The following DNAH9 variants were observed in gnomAD, a reference collection of about 807,000 sequenced individuals.
DNAH9 encodes the protein dynein axonemal heavy chain 9, also known as DNAH9 variant protein.
In DNAH9, 345 loss-of-function variants were observed where a neutral mutation model predicts 471.6. The observed-to-expected ratio is 0.73, with a 90% confidence interval of 0.67 to 0.80. The LOEUF (loss-of-function observed/expected upper bound fraction) is 0.80. Ranked by LOEUF, DNAH9 falls within the 30% of genes least tolerant of loss-of-function variation. The pLI, the probability that DNAH9 is intolerant of heterozygous loss-of-function variation, is 0.00. For synonymous variants in DNAH9, 2,093 were observed against 2,123.6 expected (o/e 0.99, Z 0.40); for missense variants, 5,407 against 5,609.2 (o/e 0.96, Z 1.15).
In DNAH9 at chr17:11,776,965, C is replaced by A. The variant is rs1384440487; in HGVS notation, c.7553-4044C>A. The stretch of plus-strand genomic sequence containing the variant: ...TTTCATTCCCTTCATTAAATTACAA[C>A]ATAATGGTCCGCCCTTGGGTTTTGT... On this transcript the variant is annotated intron_variant, in intron 38 of 68. Transcript: ENST00000262442. Among the ~76,000 whole-genome samples the A allele has an allele frequency of 2.0e-5, 3 of 152,326 alleles. No individual in the cohort carries two copies. The East Asian group carries it at 5.8e-4, about 29-fold the overall frequency.
intron 19 of DNAH9, among the ~76,000 whole-genome samples, chr17:11,685,011 G>T (rs1338035445): frequency 6.6e-6 from 1 of 152,180 alleles, no homozygotes; most frequent in African/African-American, 2.4e-5. Context: ...AGTAGATGAG[G>T]TTATGGTCTC....
intron 39 of DNAH9, among the ~76,000 whole-genome samples, chr17:11,783,437 G>T (rs1029282168): frequency 2.0e-5 from 3 of 152,100 alleles, no homozygotes; most frequent in African/African-American, 7.2e-5. Context: ...CATCCTGCTG[G>T]CTCGTCTTCC....
At chr17:11,867,261 C>T (rs1437702829) in intron 50 of DNAH9, among the ~76,000 whole-genome samples, 2 of 152,076 alleles carry the variant, frequency 1.3e-5, no homozygotes, top group Non-Finnish European at 2.9e-5. Context: ...GGTAAATTCC[C>T]TTCTGTTTAC....
intron 14 of DNAH9, among the ~76,000 whole-genome samples, chr17:11,654,962 A>C (rs1597440627): frequency 6.6e-6 from 1 of 152,158 alleles, no homozygotes; most frequent in African/African-American, 2.4e-5. Flanking sequence ...AAACTTAGTA[A>C]TTAGGCCTTA....
At chr17:11,763,639 A>C in intron 36 of DNAH9, 25 bp downstream of exon 36, 2 of 1,607,812 alleles carry the variant, frequency 1.2e-6, no homozygotes, top group Non-Finnish European at 1.7e-6. Flanking sequence ...TGAGCTCAAC[A>C]ACCACACTGA....
chr17:11,652,937 G>A lies in DNAH9; in HGVS notation c.2530G>A (p.Asp844Asn). 4 of 1,614,002 alleles carry A rather than the reference G, an allele frequency of 2.5e-6. No homozygotes were observed. Among genetic ancestry groups the A allele is most frequent in the Non-Finnish European group, 3.4e-6 (4 of 1,179,908 alleles). ...CCTTCTTTCTCTGGATGATCGGCAT[G>A]ATCGAATGGAAAAATATTACAATCT... Reference protein sequence around the residue: ...ESLLSLDDRHDRMEKYYNLIK... With the variant: ...ESLLSLDDRHNRMEKYYNLIK... Residue 844 changes from aspartate to asparagine, a missense_variant, in exon 14 of 69, where the codon GAT (aspartate) becomes AAT (asparagine). By Grantham distance (23) the Asp-to-Asn change is conservative. This residue lies in a region of DNAH9 where 4,636 missense variants were observed against 4,900.3 expected (regional missense o/e 0.95). Coordinates refer to ENST00000262442, the MANE Select transcript of DNAH9 (RefSeq NM_001372.4).
chr17:11,721,069 C>T (rs1485000602), intron 27 of DNAH9, among the ~76,000 whole-genome samples: 2 of 152,006 alleles, frequency 1.3e-5, no homozygotes, highest in East Asian at 3.9e-4. Context: ...ATGTAGAAGA[C>T]GTGGTGTATT....
At chr17:11,721,031 G>GAAC (rs71142236) in intron 27 of DNAH9, among the ~76,000 whole-genome samples, 89,978 of 151,670 alleles carry the variant, frequency 0.59, 28,524 homozygotes, top group Admixed American at 0.75. Context: ...CTCCCAAAGG[G>GAAC]AACATTGTGA....
At chr17:11,893,818 T>G (rs1973136908) in intron 58 of DNAH9, among the ~76,000 whole-genome samples, 2 of 152,210 alleles carry the variant, frequency 1.3e-5, no homozygotes, top group African/African-American at 4.8e-5. Flanking sequence ...CCATGGCCCA[T>G]GTACATCTAT....
At chr17:11,874,284 A>G (rs974695125) in intron 52 of DNAH9, among the ~76,000 whole-genome samples, 11 of 152,072 alleles carry the variant, frequency 7.2e-5, no homozygotes, top group African/African-American at 2.7e-4. Context: ...GAGAAAGGCT[A>G]ACAAAGAAGA....
At chr17:11,654,177 A>G (rs2073576520) in intron 14 of DNAH9, among the ~76,000 whole-genome samples, 1 of 85,960 alleles carries the variant, frequency 1.2e-5, no homozygotes, top group Non-Finnish European at 2.7e-5. Context: ...AACACGGTGA[A>G]ACCCCGTCTC....
intron 26 of DNAH9, among the ~76,000 whole-genome samples, chr17:11,710,589 A>C (rs1290486012): frequency 6.6e-6 from 1 of 152,148 alleles, no homozygotes; most frequent in Non-Finnish European, 1.5e-5. Context: ...CATAGGTTGA[A>C]CATTTTTATG....
chr17:11,693,353 C>T (rs900415693), intron 20 of DNAH9, among the ~76,000 whole-genome samples: 1 of 146,712 alleles, frequency 6.8e-6, no homozygotes, highest in Non-Finnish European at 1.5e-5. Flanking sequence ...CAGGTTCAAG[C>T]GATTGTCATG....
intron 48 of DNAH9, among the ~76,000 whole-genome samples, chr17:11,829,939 A>G (rs111631578): frequency 1.1e-4 from 17 of 152,316 alleles, no homozygotes; most frequent in African/African-American, 3.9e-4. Flanking sequence ...AGTCACATCA[A>G]GTTAAAAACT....
At chr17:11,756,503 TC>T in intron 33 of DNAH9, 64 bp from the exon 34 acceptor site, 1 of 908,028 alleles carries the variant, frequency 1.1e-6, no homozygotes, top group Non-Finnish European at 1.8e-6. Flanking sequence ...ATCAGCCAAA[TC>T]CCCACAGGCT....
chr17:11,795,066 A>C (rs1399629082), intron 42 of DNAH9, among the ~76,000 whole-genome samples: 1 of 98,990 alleles, frequency 1.0e-5, no homozygotes, highest in East Asian at 2.5e-4. Flanking sequence ...TAGAACTTAA[A>C]GTATAATAAA....
intron 45 of DNAH9, among the ~76,000 whole-genome samples, chr17:11,812,064 T>TACAC (rs1667335475): frequency 1.8e-5 from 2 of 110,906 alleles, no homozygotes; most frequent in Admixed American, 1.1e-4. Context: ...TACACATACA[T>TACAC]ACACACATAC....
At chr17:11,958,341 T>C (rs909205243) in intron 67 of DNAH9, among the ~76,000 whole-genome samples, 3 of 152,200 alleles carry the variant, frequency 2.0e-5, no homozygotes, top group African/African-American at 7.2e-5. Context: ...TAATGGTGGA[T>C]ACTTGTCATA....
At chr17:11,653,615 G>A (rs965759772) in intron 14 of DNAH9, among the ~76,000 whole-genome samples, 1 of 152,198 alleles carries the variant, frequency 6.6e-6, no homozygotes, top group Non-Finnish European at 1.5e-5. Context: ...ATAGGGCCAT[G>A]TCTGACAAGT....
Sources: gnomAD v4.1 joint callset for allele counts (sites outside exome capture counted in the v4.1 genomes callset) on GRCh38, gnomAD v4.1.1 for gene constraint, gnomAD v4.1.1 regional missense constraint, MANE v1.5 for transcripts, NCBI Gene and HGNC (gene_info 2026-07-23, HGNC 2026-07-21) for gene names.